The following DYM variants were observed in gnomAD, a reference collection of about 807,000 sequenced individuals.
The protein encoded by DYM is dyggve-Melchior-Clausen syndrome protein.
A neutral mutation model predicts 93.1 loss-of-function variants in DYM; 78 were observed. The ratio of observed to expected loss-of-function variants is 0.84; its 90% CI spans 0.70 to 1.01. The LOEUF (loss-of-function observed/expected upper bound fraction) is 1.01, where lower values mean the gene tolerates loss of function less well. Ranked by LOEUF, DYM falls within the 50% of genes least tolerant of loss-of-function variation. The probability of loss-of-function intolerance (pLI) is 0.00; values close to 1 mark genes in which losing one functional copy is unlikely to be tolerated. For missense variants in DYM, 789 were observed against 845.0 expected, an observed-to-expected ratio of 0.93 and a Z score of 0.82; for synonymous variants, 321 against 319.7, an observed-to-expected ratio of 1.00 and a Z score of -0.04.
rs184584224 is a variant in DYM, at chr18:49,274,263, G to C, written c.1126-1960C>G. ...AGAATCATACACTACGTAGATTTTTGTGACTTTCTTTCACTGAACATGTTA... is the reference window on the plus strand; with the variant it reads ...AGAATCATACACTACGTAGATTTTTCTGACTTTCTTTCACTGAACATGTTA... On this transcript the variant is annotated intron_variant, in intron 10 of 17. Transcript: ENST00000675505. 9.2e-5 allele frequency among the ~76,000 whole-genome samples: 14 copies of C among 152,160 alleles called. No homozygotes were observed. The East Asian group carries it at 2.7e-3, about 29-fold the overall frequency.
chr18:49,077,338 T>C (rs576185774), intron 17 of DYM, among the ~76,000 whole-genome samples: 1 of 152,364 alleles, frequency 6.6e-6, no homozygotes, highest in African/African-American at 2.4e-5. Flanking sequence ...CTAGCTTTTA[T>C]TGATTTCATC....
At chr18:49,317,221 G>C (rs1568234732) in intron 8 of DYM, among the ~76,000 whole-genome samples, 1 of 152,092 alleles carries the variant, frequency 6.6e-6, no homozygotes, top group Non-Finnish European at 1.5e-5. Context: ...AAAAAATAAA[G>C]TCTATTAATT....
intron 8 of DYM, among the ~76,000 whole-genome samples, chr18:49,305,553 C>T (rs1383388346): frequency 6.6e-6 from 1 of 152,204 alleles, no homozygotes; most frequent in Admixed American, 6.6e-5. Flanking sequence ...CCTGTATCAA[C>T]ATGTACATTC....
intron 17 of DYM, among the ~76,000 whole-genome samples, chr18:49,063,132 C>A (rs2076114635): frequency 6.6e-6 from 1 of 152,096 alleles, no homozygotes. Flanking sequence ...AGAGAAAAAG[C>A]ACATATTCAG....
chr18:49,419,600 T>C (rs537065400), intron 2 of DYM, among the ~76,000 whole-genome samples: 1 of 152,332 alleles, frequency 6.6e-6, no homozygotes, highest in South Asian at 2.1e-4. Flanking sequence ...GTATTTTAGT[T>C]ATTCTTGTTC....
At chr18:49,167,042 G>A (rs1295972723) in intron 14 of DYM, among the ~76,000 whole-genome samples, 2 of 149,328 alleles carry the variant, frequency 1.3e-5, no homozygotes, top group African/African-American at 2.5e-5. Context: ...GTGCGCGCCT[G>A]TGTCCCCTAT....
chr18:49,130,495 TTGTC>T (rs2083283726), intron 15 of DYM, among the ~76,000 whole-genome samples: 1 of 152,326 alleles, frequency 6.6e-6, no homozygotes, highest in African/African-American at 2.4e-5. Context: ...CTTTGGTAAA[TTGTC>T]TGTTTGTGTC....
intron 14 of DYM, among the ~76,000 whole-genome samples, chr18:49,178,323 G>A (rs2089595203): frequency 6.6e-6 from 1 of 152,088 alleles, no homozygotes; most frequent in Non-Finnish European, 1.5e-5. Context: ...ATCAAAGAAG[G>A]AGCAAACTCA....
intron 17 of DYM, among the ~76,000 whole-genome samples, chr18:49,090,451 A>T (rs1360695226): frequency 6.6e-6 from 1 of 152,250 alleles, no homozygotes. Context: ...AACAGGAGAA[A>T]AAAGTCAAAT....
At chr18:49,062,447 C>A (rs1287445350) in intron 17 of DYM, among the ~76,000 whole-genome samples, 1 of 152,172 alleles carries the variant, frequency 6.6e-6, no homozygotes, top group Non-Finnish European at 1.5e-5. Flanking sequence ...GCAAATACAG[C>A]CACTGATGGA....
intron 15 of DYM, among the ~76,000 whole-genome samples, chr18:49,156,965 A>C (rs1397866045): frequency 6.6e-6 from 1 of 151,496 alleles, no homozygotes; most frequent in African/African-American, 2.4e-5. Flanking sequence ...GGCATTCAGG[A>C]AAAGCAGCTG....
intron 14 of DYM, among the ~76,000 whole-genome samples, chr18:49,194,682 G>A (rs369890099): frequency 6.6e-6 from 1 of 151,778 alleles, no homozygotes; most frequent in East Asian, 1.9e-4. Context: ...TTTATTCTGG[G>A]TGGGGTTTTA....
chr18:49,169,512 T>C (rs1483444642), intron 14 of DYM, among the ~76,000 whole-genome samples: 1 of 152,200 alleles, frequency 6.6e-6, no homozygotes, highest in Non-Finnish European at 1.5e-5. Flanking sequence ...GACTTCATCC[T>C]GAAAGCCAGA....
chr18:49,403,411 G>C (rs1261963872), intron 2 of DYM, among the ~76,000 whole-genome samples: 1 of 152,064 alleles, frequency 6.6e-6, no homozygotes, highest in Non-Finnish European at 1.5e-5. Flanking sequence ...ACTTACATTT[G>C]TATGATGTTT....
At chr18:49,183,397 T>C (rs180925079) in intron 14 of DYM, among the ~76,000 whole-genome samples, 3 of 152,250 alleles carry the variant, frequency 2.0e-5, no homozygotes, top group African/African-American at 4.8e-5. Context: ...TTTGTGCCCA[T>C]CACTCTTTAC....
Position 49,350,708 on chromosome 18 carries a change from GA to G in DYM, c.494+12452del, listed in dbSNP as rs1256870777. Among the ~76,000 whole-genome samples, 3 of 41,706 alleles carry G rather than the reference GA, an allele frequency of 7.2e-5. No individual in the cohort carries two copies. In the East Asian group the frequency reaches 2.0e-3, roughly 27 times the overall value. The allele number at this position is 41,706 out of a possible 152,430, so 27.4% of individuals were successfully genotyped here. A position where few individuals can be genotyped will look rare whatever the true frequency, so the allele number is the denominator to read the frequency against. On this transcript the variant is annotated intron_variant, in intron 6 of 17. Transcript: ENST00000675505. The stretch of plus-strand genomic sequence containing the variant: ...GTGACAGGGTGAGACTCCATCTCAA[GA>G]AAAAAAGAAAAAAAAAGAAAAAAAA...
At chr18:49,445,780 T>C (rs968080430) in intron 1 of DYM, among the ~76,000 whole-genome samples, 1 of 152,146 alleles carries the variant, frequency 6.6e-6, no homozygotes, top group Non-Finnish European at 1.5e-5. Flanking sequence ...ATCAATTTCT[T>C]AGGCACTAAA....
chr18:49,432,512 TAATA>T (rs1473696006), intron 1 of DYM, among the ~76,000 whole-genome samples: 2 of 150,760 alleles, frequency 1.3e-5, no homozygotes, highest in African/African-American at 4.9e-5. Flanking sequence ...GCAAGCTACC[TAATA>T]GATATGGTAT....
chr18:49,047,968 G>A (rs898513589), intron 17 of DYM, among the ~76,000 whole-genome samples: 13 of 152,172 alleles, frequency 8.5e-5, no homozygotes, highest in Non-Finnish European at 1.2e-4. Context: ...AAGGTAACTC[G>A]GAGCTCAGAG....
Sources: gnomAD v4.1 joint callset for allele counts (sites outside exome capture counted in the v4.1 genomes callset) on GRCh38, gnomAD v4.1.1 for gene constraint, MANE v1.5 for transcripts, NCBI Gene and HGNC (gene_info 2026-07-23, HGNC 2026-07-21) for gene names.